ILDR1: variants seen among roughly 807,000 people sequenced by gnomAD.
ILDR1 encodes immunoglobulin-like domain-containing receptor 1.
ILDR1 carries 56 observed loss-of-function variants against 62.4 expected under a neutral mutation model. That is an observed-to-expected ratio of 0.90 (90% CI 0.72 to 1.12). ILDR1 has a LOEUF of 1.12. Ranked by LOEUF, ILDR1 falls within the 50% of genes most tolerant of loss-of-function variation. The pLI is 0.00. For synonymous variants in ILDR1, 284 were observed against 277.8 expected (o/e 1.02, Z -0.22); for missense variants, 736 against 710.6 (o/e 1.04, Z -0.41).
intron 2 of ILDR1, among the ~76,000 whole-genome samples, chr3:122,006,725 C>T (rs972698768): frequency 3.3e-5 from 5 of 152,078 alleles, no homozygotes; most frequent in Non-Finnish European, 5.9e-5. Context: ...CAGGACTTTT[C>T]CCTAATGTTT....
the ILDR1 span, among the ~76,000 whole-genome samples, chr3:122,043,233 C>T: frequency 1.7e-4 from 25 of 149,320 alleles, no homozygotes; most frequent in Admixed American, 3.3e-4. Flanking sequence ...TGTAGATATG[C>T]GGCGTTATTT....
At chr3:122,015,489 T>C (rs986665622) in intron 1 of ILDR1, among the ~76,000 whole-genome samples, 1 of 152,210 alleles carries the variant, frequency 6.6e-6, no homozygotes, top group Admixed American at 6.5e-5. Context: ...CAGGTGGAGA[T>C]AATTGAATCT....
chr3:122,004,616 C>T (rs1418602553), intron 3 of ILDR1, among the ~76,000 whole-genome samples: 1 of 152,212 alleles, frequency 6.6e-6, no homozygotes, highest in Non-Finnish European at 1.5e-5. Flanking sequence ...ACAGCTCTCA[C>T]ATAGCGCGCT....
In ILDR1 at chr3:122,011,581, T is replaced by G. The variant is rs2071702033; in HGVS notation, c.59-4420A>C. On this transcript the variant is annotated intron_variant, in intron 1 of 7. Coordinates refer to ENST00000344209, the MANE Select transcript of ILDR1 (RefSeq NM_001199799.2). ...CCATCTTGAGCTCATTCACACTCTC[T>G]CCAGGGGTCTGCCAGCCAGCCCCAC... is the stretch of plus-strand genomic sequence containing the variant. 2.7e-5 allele frequency among the ~76,000 whole-genome samples: 4 copies of G among 150,554 alleles called. No homozygotes were observed. The Admixed American group carries it at 2.7e-4, about 10-fold the overall frequency.
chr3:121,987,891 CT>C lies in ILDR1; in HGVS notation c.*475del. The C allele has an allele frequency of 3.9e-6, 1 of 254,274 alleles. No individual in the cohort carries two copies. The highest frequency in any genetic ancestry group is 7.7e-6 in the Non-Finnish European group (1 of 129,652). The allele number at this position is 254,274 out of a possible 1,614,324, so 15.8% of individuals were successfully genotyped here. A position where few individuals can be genotyped will look rare whatever the true frequency, so the allele number is the denominator to read the frequency against. On this transcript the variant is annotated 3_prime_UTR_variant, in exon 8 of 8. Coordinates refer to ENST00000344209, the MANE Select transcript of ILDR1 (RefSeq NM_001199799.2). The stretch of plus-strand genomic sequence containing the variant: ...CAGTTGGTAATTCCTCGAACTCTAA[CT>C]TTTTTGTTTTTTGGCCTTTTGGGTT...
At chr3:122,001,639 G>T (rs2071527189) in intron 4 of ILDR1, 106 bp downstream of exon 4, 1 of 1,547,430 alleles carries the variant, frequency 6.5e-7, no homozygotes, top group Non-Finnish European at 8.9e-7. Flanking sequence ...ATAATCCAAT[G>T]ACAAGAACTT....
In ILDR1 at chr3:122,007,005, T is replaced by G; in HGVS notation, c.215A>C (p.Asp72Ala). 2 of 1,612,650 alleles carry G rather than the reference T, an allele frequency of 1.2e-6. No homozygotes were observed. The highest frequency in any genetic ancestry group is 1.7e-6 in the Non-Finnish European group (2 of 1,179,922). The change falls in exon 2 of 8, where the codon GAC becomes GCC. Residue 72 changes from aspartate (D) to alanine (A), a missense_variant. Asp to Ala is a moderately radical substitution (Grantham distance 126, BLOSUM62 -2). Coordinates refer to ENST00000344209, the MANE Select transcript of ILDR1 (RefSeq NM_001199799.2). ...AGGATACTCACACGCTGAGTAGTAG[T>G]CAAAGATAGGGTCCTTGCAGAAGGA... Reference protein sequence around the residue: ...FKSFCKDPIFDYYSASYQAAL... With the variant: ...FKSFCKDPIFAYYSASYQAAL...
chr3:122,007,209 A>G, intron 1 of ILDR1, 48 bp from the exon 2 acceptor site: 1 of 1,613,490 alleles, frequency 6.2e-7, no homozygotes, highest in Middle Eastern at 1.6e-4. Flanking sequence ...TACTCTGCTC[A>G]TGGGTAAGAA....
chr3:121,994,920 G>T (rs141752491), intron 5 of ILDR1, among the ~76,000 whole-genome samples: 145 of 152,330 alleles, frequency 9.5e-4, no homozygotes, highest in African/African-American at 3.4e-3. Flanking sequence ...ATTCCAGTGA[G>T]TCCTTTCTAC....
chr3:122,017,221 G>A (rs1310282072), intron 1 of ILDR1, among the ~76,000 whole-genome samples: 1 of 152,046 alleles, frequency 6.6e-6, no homozygotes, highest in East Asian at 1.9e-4. Context: ...GCTAATTTTT[G>A]TATTTTTTGT....
chr3:121,991,018 G>T (rs1361665533), intron 7 of ILDR1, among the ~76,000 whole-genome samples: 1 of 152,136 alleles, frequency 6.6e-6, no homozygotes, highest in Non-Finnish European at 1.5e-5. Flanking sequence ...CGGCCAACAT[G>T]GTGAAACCCC....
chr3:122,046,894 C>T, the ILDR1 span, among the ~76,000 whole-genome samples: 1,683 of 145,022 alleles, frequency 0.012, 34 homozygotes, highest in African/African-American at 0.041. Context: ...GTAATTTGAC[C>T]GTCTGAAGCC....
chr3:122,031,041 A>G, the ILDR1 span, among the ~76,000 whole-genome samples: 1 of 152,164 alleles, frequency 6.6e-6, no homozygotes, highest in Non-Finnish European at 1.5e-5. Flanking sequence ...AGAGTGACAG[A>G]CTAGGAGAGT....
chr3:121,988,926 T>C (rs553115800), intron 7 of ILDR1, among the ~76,000 whole-genome samples: 3 of 152,372 alleles, frequency 2.0e-5, no homozygotes, highest in Admixed American at 1.3e-4. Context: ...AGTGGCTTTT[T>C]TTCAGAAGTT....
In ILDR1 at chr3:121,993,719, T is replaced by A; in HGVS notation, c.1030A>T (p.Arg344Trp). 6.2e-7 allele frequency: 1 copy of A among 1,614,116 alleles called. No homozygotes were observed. The highest frequency in any genetic ancestry group is 8.5e-7 in the Non-Finnish European group (1 of 1,179,994). The change falls in exon 7 of 8, where the codon AGG (arginine) becomes TGG (tryptophan). Residue 344 changes from arginine to tryptophan, a missense_variant. Coordinates refer to ENST00000344209, the MANE Select transcript of ILDR1 (RefSeq NM_001199799.2). The part of the protein sequence containing the change: ...PLIRDLSSSR[R>W]TSDSLHQQWL... ...TGCTGGTGCAGGGAGTCACTGGTCC[T>A]CCTTGAGGATGACAGGTCTCTGATC...
chr3:122,028,489 TAC>T, the ILDR1 span, among the ~76,000 whole-genome samples: 1 of 152,118 alleles, frequency 6.6e-6, no homozygotes, highest in African/African-American at 2.4e-5. Context: ...ACCAAAAGAC[TAC>T]ATAAAATTTT....
intron 1 of ILDR1, among the ~76,000 whole-genome samples, chr3:122,020,184 TA>T (rs2071835502): frequency 6.6e-6 from 1 of 152,274 alleles, no homozygotes; most frequent in African/African-American, 2.4e-5. Context: ...TCCTGACTAC[TA>T]TTATCACCCT....
At chr3:122,022,513 C>T (rs1211213147), upstream of ILDR1, among the ~76,000 whole-genome samples, 3 of 152,312 alleles carry the variant, frequency 2.0e-5, no homozygotes, top group Admixed American at 2.0e-4. Flanking sequence ...GGTGTGTTTC[C>T]TGCGTTATAT....
chr3:122,052,378 T>C, the ILDR1 span, among the ~76,000 whole-genome samples: 22 of 152,184 alleles, frequency 1.4e-4, no homozygotes, highest in Non-Finnish European at 2.1e-4. Context: ...CCCCTAGGGA[T>C]AGGCCACTGA....
Sources: gnomAD v4.1 joint callset for allele counts (sites outside exome capture counted in the v4.1 genomes callset) on GRCh38, gnomAD v4.1.1 for gene constraint, MANE v1.5 for transcripts, NCBI Gene and HGNC (gene_info 2026-07-23, HGNC 2026-07-21) for gene names.